Variants in HLCS observed in about 807,000 individuals in gnomAD.
HLCS encodes biotin--protein ligase.
A neutral mutation model predicts 75.0 loss-of-function variants in HLCS; 53 were observed. The ratio of observed to expected loss-of-function variants is 0.71; its 90% CI spans 0.57 to 0.89. HLCS has a LOEUF of 0.89. Among genes scored for constraint, HLCS ranks in the 40% least tolerant of loss-of-function variants. The pLI, the probability that HLCS is intolerant of heterozygous loss-of-function variation, is 0.00. For synonymous variants in HLCS, 431 were observed against 428.6 expected, an observed-to-expected ratio of 1.01 and a Z score of -0.07; for missense variants, 966 against 1,074.0, an observed-to-expected ratio of 0.90 and a Z score of 1.41.
At chr21:36,956,094 G>C (rs2067927996) in intron 2 of HLCS, among the ~76,000 whole-genome samples, 1 of 152,176 alleles carries the variant, frequency 6.6e-6, no homozygotes, top group African/African-American at 2.4e-5. Context: ...ATGTGTATCT[G>C]TCGTGAAGCA....
At chr21:36,973,583 C>T (rs67456731) in intron 1 of HLCS, 31,412 of 152,148 alleles carry the variant, frequency 0.21, 3,492 homozygotes, top group East Asian at 0.34. Context: ...ATTTCCATCC[C>T]TTCCATCTTT....
chr21:36,768,310 G>A (rs975280295), intron 6 of HLCS, among the ~76,000 whole-genome samples: 5 of 152,152 alleles, frequency 3.3e-5, no homozygotes, highest in African/African-American at 4.8e-5. Flanking sequence ...CTAATAATAA[G>A]TCTCCAGGCT....
chr21:36,845,389 A>G (rs1275329275), intron 6 of HLCS, among the ~76,000 whole-genome samples: 1 of 152,108 alleles, frequency 6.6e-6, no homozygotes, highest in African/African-American at 2.4e-5. Flanking sequence ...AGCTGTACGG[A>G]TGGGACTGCT....
Position 36,748,903 on chromosome 21 carries a change from C to G in HLCS, c.*5343G>C, listed in dbSNP as rs1474971613. On this transcript the variant is annotated 3_prime_UTR_variant, in exon 11 of 11. Transcript: ENST00000674895. ...CCTGTCAAGCTTCATTATTACGTGG[C>G]AAAATCCCTCTGGCCCACACAGATC... 1.3e-5 allele frequency: 2 copies of G among 152,626 alleles called. No individual in the cohort carries two copies. Among genetic ancestry groups the G allele is most frequent in the African/African-American group, 4.8e-5 (2 of 41,436 alleles). The allele number at this position is 152,626 out of a possible 1,614,324, so 9.5% of individuals were successfully genotyped here.
chr21:36,790,943 T>C (rs1569014234), intron 6 of HLCS, among the ~76,000 whole-genome samples: 1 of 152,220 alleles, frequency 6.6e-6, no homozygotes, highest in Non-Finnish European at 1.5e-5. Flanking sequence ...TTGGCAGTGG[T>C]GTTGGCAAAG....
Position 36,838,949 on chromosome 21 carries a change from C to A in HLCS, c.1892+57911G>T, listed in dbSNP as rs148063156. ...TCCAGAACCGACAGAGAATTATTTT[C>A]AGCTGTTTTAAGCTGCCAGTTTGCA... On this transcript the variant is annotated intron_variant, in intron 6 of 10. Transcript: ENST00000674895. Among the ~76,000 whole-genome samples the A allele has an allele frequency of 3.8e-3, 586 of 152,320 alleles. 3 individuals are homozygous for A. Among genetic ancestry groups the A allele is most frequent in the African/African-American group, 0.014 (565 of 41,570 alleles).
In HLCS at chr21:36,754,435, C is replaced by T. The variant is rs1367331265; in HGVS notation, c.2451-18G>A. 6.2e-6 allele frequency: 10 copies of T among 1,607,706 alleles called. No homozygotes were observed. The highest frequency in any genetic ancestry group is 1.7e-4 in the Middle Eastern group (1 of 6,054). On this transcript the variant is annotated intron_variant, in intron 10 of 10. Transcript: ENST00000674895. ...GCTGACCACTGAAAAGGAAGAACAG[C>T]GTGCGGTCACTGGGAGGTGTCACAG...
At chr21:36,901,598 T>C (rs1324184399) in intron 5 of HLCS, among the ~76,000 whole-genome samples, 1 of 152,174 alleles carries the variant, frequency 6.6e-6, no homozygotes, top group Non-Finnish European at 1.5e-5. Flanking sequence ...ACGCCTTTGC[T>C]TCTGGTGCCG....
intron 6 of HLCS, among the ~76,000 whole-genome samples, chr21:36,888,476 A>T (rs866669951): frequency 4.3e-5 from 4 of 93,192 alleles, no homozygotes; most frequent in Admixed American, 1.1e-4. Context: ...ATATATATAT[A>T]TATATATATA....
At chr21:36,788,611 G>A (rs1465192499) in intron 6 of HLCS, among the ~76,000 whole-genome samples, 1 of 152,240 alleles carries the variant, frequency 6.6e-6, no homozygotes, top group East Asian at 1.9e-4. Flanking sequence ...AGTAATGAGT[G>A]TGGGAGGAGG....
At chr21:36,785,340 A>G (rs1421888727) in intron 6 of HLCS, among the ~76,000 whole-genome samples, 1 of 152,090 alleles carries the variant, frequency 6.6e-6, no homozygotes, top group Non-Finnish European at 1.5e-5. Flanking sequence ...CGCTGGGTTT[A>G]TGGCCCCCGT....
intron 6 of HLCS, among the ~76,000 whole-genome samples, chr21:36,867,035 C>T (rs1206757789): frequency 6.6e-6 from 1 of 152,106 alleles, no homozygotes; most frequent in Non-Finnish European, 1.5e-5. Flanking sequence ...TCCTCTCAAA[C>T]CCCAAAGGCC....
intron 6 of HLCS, among the ~76,000 whole-genome samples, chr21:36,875,719 C>A (rs959259919): frequency 1.3e-5 from 2 of 152,348 alleles, no homozygotes; most frequent in East Asian, 3.9e-4. Context: ...TGTCCACATA[C>A]CTCCTTCTTC....
upstream of HLCS, among the ~76,000 whole-genome samples, chr21:36,967,236 A>G (rs2068648334): frequency 2.0e-5 from 3 of 152,154 alleles, no homozygotes; most frequent in South Asian, 6.2e-4. Context: ...AAAATAAGAT[A>G]AGGCCGTTTT....
intron 5 of HLCS, among the ~76,000 whole-genome samples, chr21:36,898,080 T>C (rs2065084052): frequency 6.6e-6 from 1 of 152,132 alleles, no homozygotes; most frequent in African/African-American, 2.4e-5. Context: ...TTTCAATTGA[T>C]CAACCTTTAA....
intron 1 of HLCS, among the ~76,000 whole-genome samples, chr21:36,982,457 A>G (rs768624644): frequency 3.3e-5 from 5 of 152,122 alleles, no homozygotes; most frequent in Admixed American, 3.3e-4. Context: ...ACCAATGTAC[A>G]CTCCCATTAA....
At position 36,930,430 on chromosome 21, in the gene HLCS, G is replaced by A; in HGVS notation, c.1441C>T (p.His481Tyr). 2 of 1,613,314 alleles carry A rather than the reference G, an allele frequency of 1.2e-6. No homozygotes were observed. The highest frequency in any genetic ancestry group is 1.7e-6 in the Non-Finnish European group (2 of 1,179,270). Residue 481 changes from histidine to tyrosine, a missense_variant, in exon 5 of 11, where the codon CAC becomes TAC. His to Tyr is a moderately conservative substitution (Grantham distance 83). Coordinates refer to ENST00000674895, the MANE Select transcript of HLCS (RefSeq NM_001352514.2). ...TTGGAGCTGGGAGGTAGTTCTAAGT[G>A]CACCTGAAGGGGAAAGATAGCACTA... ...RGGEAVLCQV[H>Y]LELPPSSNIV...
intron 6 of HLCS, among the ~76,000 whole-genome samples, chr21:36,836,179 C>G (rs1239645352): frequency 6.6e-6 from 1 of 152,022 alleles, no homozygotes; most frequent in East Asian, 1.9e-4. Flanking sequence ...CCCACTTACA[C>G]AGCTCCATAC....
intron 6 of HLCS, among the ~76,000 whole-genome samples, chr21:36,860,683 TGATA>T (rs1408798495): frequency 6.6e-6 from 1 of 152,238 alleles, no homozygotes; most frequent in African/African-American, 2.4e-5. Flanking sequence ...GAAATTCACC[TGATA>T]GAGAGGGATT....
Sources: allele counts gnomAD v4.1 joint callset (sites outside exome capture counted in the v4.1 genomes callset), GRCh38; gene constraint gnomAD v4.1.1; transcripts MANE v1.5; gene names NCBI Gene and HGNC (gene_info 2026-07-23, HGNC 2026-07-21).